KIF26B: variants seen among roughly 807,000 people sequenced by gnomAD.
KIF26B encodes the protein kinesin-like protein KIF26B.
A neutral mutation model predicts 151.2 loss-of-function variants in KIF26B; 63 were observed. The observed-to-expected ratio is 0.42, with a 90% CI of 0.34 to 0.51. KIF26B has a LOEUF of 0.51. Ranked by LOEUF, KIF26B falls within the 20% of genes least tolerant of loss-of-function variation. KIF26B has a pLI of 0.07. For synonymous variants in KIF26B, 1,357 were observed against 1,262.1 expected, an observed-to-expected ratio of 1.08 and a Z score of -1.59; for missense variants, 2,813 against 2,913.6, an observed-to-expected ratio of 0.97 and a Z score of 0.79.
At chr1:245,552,727 G>A (rs1021288239) in intron 5 of KIF26B, among the ~76,000 whole-genome samples, 7 of 151,426 alleles carry the variant, frequency 4.6e-5, no homozygotes, top group African/African-American at 7.3e-5. Context: ...ATTCTCCTGC[G>A]TAGCTGGGAT....
At chr1:245,210,508 C>CTT (rs35803033) in intron 2 of KIF26B, among the ~76,000 whole-genome samples, 16,622 of 129,650 alleles carry the variant, frequency 0.13, 1,535 homozygotes, top group African/African-American at 0.21. Flanking sequence ...ATATCCTAAG[C>CTT]TTTTTTTTTT....
intron 5 of KIF26B, among the ~76,000 whole-genome samples, chr1:245,589,222 A>G (rs574854652): frequency 1.3e-3 from 201 of 152,302 alleles, no homozygotes; most frequent in African/African-American, 4.6e-3. Context: ...TCCTTCCTGG[A>G]ACTAAGCTGC....
chr1:245,547,935 A>C (rs1661787108), intron 5 of KIF26B, among the ~76,000 whole-genome samples: 1 of 152,176 alleles, frequency 6.6e-6, no homozygotes, highest in Admixed American at 6.5e-5. Context: ...TCAGAGTGCA[A>C]GTAGAGAAAC....
At chr1:245,528,329 G>T (rs1027280630) in intron 4 of KIF26B, among the ~76,000 whole-genome samples, 1 of 152,162 alleles carries the variant, frequency 6.6e-6, no homozygotes, top group African/African-American at 2.4e-5. Flanking sequence ...CCAGGTGCAC[G>T]GCGGCTGTCA....
chr1:245,157,537 G>C (rs1322472338), intron 2 of KIF26B, among the ~76,000 whole-genome samples: 1 of 152,202 alleles, frequency 6.6e-6, no homozygotes, highest in Non-Finnish European at 1.5e-5. Flanking sequence ...CTGTGATTTC[G>C]AGTAGGCGTT....
chr1:245,570,086 CCACCACACCCGG>C (rs1297742275), intron 5 of KIF26B, among the ~76,000 whole-genome samples: 3 of 151,534 alleles, frequency 2.0e-5, no homozygotes, highest in African/African-American at 7.3e-5. Flanking sequence ...CAGGCGCCCG[CCACCACACCCGG>C]CTAATTTTTT....
intron 12 of KIF26B, among the ~76,000 whole-genome samples, chr1:245,694,290 TTCTC>T (rs1030955753): frequency 8.5e-5 from 13 of 152,368 alleles, no homozygotes; most frequent in African/African-American, 3.1e-4. Flanking sequence ...CACATTCTCT[TTCTC>T]TCTCTGCTCT....
At chr1:245,302,289 A>C (rs981797082) in intron 2 of KIF26B, among the ~76,000 whole-genome samples, 2 of 152,250 alleles carry the variant, frequency 1.3e-5, no homozygotes, top group Non-Finnish European at 2.9e-5. Flanking sequence ...CTCTGATGCC[A>C]TAAGGAGTGT....
rs1014747661 is a variant in KIF26B at position 245,708,399 on chromosome 1, G to T, written c.*5793G>T. The T allele has an allele frequency of 6.6e-6, 1 of 152,110 alleles. No homozygotes were observed. Among genetic ancestry groups the T allele is most frequent in the Non-Finnish European group, 1.5e-5 (1 of 68,016 alleles). The allele number at this position is 152,110 out of a possible 1,614,324, so 9.4% of individuals were successfully genotyped here. A position where few individuals can be genotyped will look rare whatever the true frequency, so the allele number is the denominator to read the frequency against. On this transcript the variant is annotated 3_prime_UTR_variant, in exon 15 of 15. Transcript: ENST00000407071. ...AACAGGGACTTGAGTCCAGCTTATT[G>T]GATTCTTCCCATCAGATCATATTGC...
At chr1:245,514,204 T>C (rs938514424) in intron 4 of KIF26B, among the ~76,000 whole-genome samples, 2 of 152,108 alleles carry the variant, frequency 1.3e-5, no homozygotes, top group African/African-American at 4.8e-5. Context: ...ACATGATAAA[T>C]ATATACAACT....
chr1:245,501,384 G>T (rs1660617156), intron 4 of KIF26B, among the ~76,000 whole-genome samples: 1 of 152,172 alleles, frequency 6.6e-6, no homozygotes. Flanking sequence ...CCTGGCATAT[G>T]GTAAGGACTA....
chr1:245,694,165 C>T (rs1419194899), intron 12 of KIF26B, among the ~76,000 whole-genome samples: 2 of 152,248 alleles, frequency 1.3e-5, no homozygotes, highest in Non-Finnish European at 2.9e-5. Context: ...TTCTCATCCC[C>T]AGCACGGGAG....
intron 2 of KIF26B, among the ~76,000 whole-genome samples, chr1:245,219,166 T>C (rs1669711154): frequency 1.6e-5 from 2 of 125,202 alleles, no homozygotes; most frequent in Admixed American, 1.9e-4. Context: ...TGAGACGGAG[T>C]CTTGCTCTGT....
Position 245,688,389 on chromosome 1 carries a change from G to C in KIF26B, c.5406G>C (p.Arg1802=), listed in dbSNP as rs1165795047. ...SSGLASKLPL[R]AVSGRISELL... ...GCCTGGCCTCCAAGCTTCCCCTGCGGGCCGTCAGCGGGCGCATCTCGGAGC... is the reference window on the plus strand; with the variant it reads ...GCCTGGCCTCCAAGCTTCCCCTGCGCGCCGTCAGCGGGCGCATCTCGGAGC... Residue 1802 remains arginine (R), a synonymous_variant, in exon 12 of 15, where the codon CGG becomes CGC. Coordinates refer to ENST00000407071, the MANE Select transcript of KIF26B (RefSeq NM_018012.4). 1.3e-6 allele frequency: 2 copies of C among 1,518,352 alleles called. No individual in the cohort carries two copies. Among genetic ancestry groups the C allele is most frequent in the Admixed American group, 2.0e-5 (1 of 49,346 alleles). 94.1% of individuals were successfully genotyped at this position (1,518,352 alleles called of 1,614,324 possible). A position where few individuals can be genotyped will look rare whatever the true frequency, so the allele number is the denominator to read the frequency against.
chr1:245,157,729 G>A (rs1269659554), intron 2 of KIF26B, among the ~76,000 whole-genome samples: 1 of 152,332 alleles, frequency 6.6e-6, no homozygotes, highest in African/African-American at 2.4e-5. Flanking sequence ...ATGAACTCGT[G>A]GATGGTTGTC....
rs376670187 is a variant in KIF26B at position 245,611,984 on chromosome 1, G to A, written c.2098+8G>A. 1.9e-5 allele frequency: 30 copies of A among 1,609,344 alleles called. No homozygotes were observed. The highest frequency in any genetic ancestry group is 5.4e-5 in the African/African-American group (4 of 74,652). The stretch of plus-strand genomic sequence containing the variant: ...AGAGCGGGAAAGGGGGAAGTAAGTC[G>A]GCCACTCCACCCTCCTGCCTCCTTA... On this transcript the variant is annotated splice_region_variant and intron_variant, in intron 9 of 14. Coordinates refer to ENST00000407071, the MANE Select transcript of KIF26B (RefSeq NM_018012.4).
chr1:245,232,441 A>G lies in KIF26B; in HGVS notation c.465+75758A>G, dbSNP rs12048022. Among the ~76,000 whole-genome samples, 585 of 151,806 alleles carry G rather than the reference A, an allele frequency of 3.9e-3. 17 individuals carry two copies. In the East Asian group the frequency reaches 0.085, roughly 22 times the overall value. ...TGTTTTATTGTATTAAAGAGCTAATACTCCTTAATTATGACTTCATTATTT... is the reference window on the plus strand; with the variant it reads ...TGTTTTATTGTATTAAAGAGCTAATGCTCCTTAATTATGACTTCATTATTT... On this transcript the variant is annotated intron_variant, in intron 2 of 14. Transcript: ENST00000407071.
chr1:245,420,949 G>C (rs901026957), intron 4 of KIF26B, among the ~76,000 whole-genome samples: 1 of 152,170 alleles, frequency 6.6e-6, no homozygotes, highest in African/African-American at 2.4e-5. Context: ...GGGCTTGTTG[G>C]AAGACCGGCT....
chr1:245,465,786 C>A (rs568194666), intron 4 of KIF26B, among the ~76,000 whole-genome samples: 5 of 152,272 alleles, frequency 3.3e-5, no homozygotes, highest in Non-Finnish European at 7.4e-5. Flanking sequence ...GGAGGGGAAG[C>A]CACGACCACC....
Sources: gnomAD v4.1 joint callset for allele counts (sites outside exome capture counted in the v4.1 genomes callset) on GRCh38, gnomAD v4.1.1 for gene constraint, MANE v1.5 for transcripts, NCBI Gene and HGNC (gene_info 2026-07-23, HGNC 2026-07-21) for gene names.